The following COL24A1 variants were observed in gnomAD, a reference collection of about 807,000 sequenced individuals.
COL24A1 encodes collagen type XXIV alpha 1 chain.
In COL24A1, 224 loss-of-function variants were observed where a neutral mutation model predicts 253.9. The observed-to-expected ratio is 0.88, with a 90% confidence interval of 0.79 to 0.99. The LOEUF is 0.99. Among genes scored for constraint, COL24A1 ranks in the 50% least tolerant of loss-of-function variants. The pLI, the probability that COL24A1 is intolerant of heterozygous loss-of-function variation, is 0.00. For synonymous variants in COL24A1, 685 were observed against 673.7 expected (o/e 1.02, Z -0.26); for missense variants, 2,131 against 2,068.5 (o/e 1.03, Z -0.59).
chr1:85,841,273 G>A lies in COL24A1; in HGVS notation c.3576C>T (p.Tyr1192=). The change falls in exon 42 of 60, where the codon TAC becomes TAT. Residue 1192 remains tyrosine, a synonymous_variant. Transcript: ENST00000370571. The part of the protein sequence containing the change: ...GLPGPKGEKG[Y]PGEDSTVLGP... ...CTAGGACTGTGCTATCTTCTCCTGG[G>A]TAGCCCTAAAATGAAATAATGATTT... is the stretch of plus-strand genomic sequence containing the variant. 6 of 1,592,964 alleles carry A rather than the reference G, an allele frequency of 3.8e-6. No homozygotes were observed. In the South Asian group the frequency reaches 6.9e-5, roughly 18 times the overall value.
At chr1:85,804,477 G>A (rs1021123715) in intron 47 of COL24A1, among the ~76,000 whole-genome samples, 4 of 152,114 alleles carry the variant, frequency 2.6e-5, no homozygotes, top group Non-Finnish European at 4.4e-5. Flanking sequence ...CCATTTTCAC[G>A]CTGCTGATAA....
At chr1:85,765,952 T>G (rs1193406775) in intron 53 of COL24A1, among the ~76,000 whole-genome samples, 4 of 152,176 alleles carry the variant, frequency 2.6e-5, no homozygotes, top group African/African-American at 9.7e-5. Flanking sequence ...TTGTAAACTT[T>G]CAGGATTTAT....
intron 20 of COL24A1, among the ~76,000 whole-genome samples, chr1:85,987,330 CTA>C (rs1407868989): frequency 2.0e-5 from 3 of 151,732 alleles, no homozygotes; most frequent in Non-Finnish European, 4.4e-5. Flanking sequence ...CTTTTATACG[CTA>C]TGACTTTTTA....
chr1:86,056,016 G>A (rs932888419), intron 10 of COL24A1, among the ~76,000 whole-genome samples: 3 of 151,750 alleles, frequency 2.0e-5, no homozygotes, highest in African/African-American at 7.3e-5. Flanking sequence ...TACTCAGGAG[G>A]TTGAGGCAGG....
In COL24A1 at chr1:85,965,021, T is replaced by C; in HGVS notation, c.2505A>G (p.Pro835=). 1.2e-6 allele frequency: 2 copies of C among 1,611,162 alleles called. No homozygotes were observed. Among genetic ancestry groups the C allele is most frequent in the Non-Finnish European group, 1.7e-6 (2 of 1,178,282 alleles). The change falls in exon 23 of 60, where the codon CCA becomes CCG. Residue 835 remains proline (P), a synonymous_variant. Transcript: ENST00000370571. ...GQKGYAGEPG[P]EGLKGEVGDQ... ...TCAGTTGCTTTACCTTTAAGCCTTC[T>C]GGTCCTGGTTCACCTGCATACCCCT...
intron 24 of COL24A1, among the ~76,000 whole-genome samples, chr1:85,915,098 A>T (rs963606785): frequency 6.6e-6 from 1 of 152,160 alleles, no homozygotes; most frequent in African/African-American, 2.4e-5. Context: ...AGGTAAACTG[A>T]CTAAAGCAGA....
chr1:85,787,541 C>T (rs1223780259), intron 47 of COL24A1, among the ~76,000 whole-genome samples: 1 of 152,176 alleles, frequency 6.6e-6, no homozygotes, highest in Admixed American at 6.5e-5. Flanking sequence ...AGGACATGAT[C>T]TCATTCCTTT....
At chr1:86,142,139 C>T (rs752084381) in intron 2 of COL24A1, among the ~76,000 whole-genome samples, 1 of 151,838 alleles carries the variant, frequency 6.6e-6, no homozygotes, top group Non-Finnish European at 1.5e-5. Flanking sequence ...TCATTCTTAT[C>T]CTTACAGAGA....
At chr1:86,022,072 A>G (rs1335948812) in intron 18 of COL24A1, among the ~76,000 whole-genome samples, 168 bp downstream of exon 18, 5 of 152,234 alleles carry the variant, frequency 3.3e-5, no homozygotes, top group Admixed American at 1.3e-4. Context: ...AGGGAAGTCC[A>G]AAAGTCTATG....
chr1:85,873,297 A>T (rs1680748825), intron 35 of COL24A1, among the ~76,000 whole-genome samples: 1 of 151,982 alleles, frequency 6.6e-6, no homozygotes, highest in Non-Finnish European at 1.5e-5. Context: ...TCAAGGATCT[A>T]GAATTAGAAA....
At chr1:86,139,928 T>C (rs1572057086) in intron 2 of COL24A1, among the ~76,000 whole-genome samples, 1 of 152,194 alleles carries the variant, frequency 6.6e-6, no homozygotes, top group African/African-American at 2.4e-5. Context: ...AAATAGTCAA[T>C]ATCAGAATCA....
chr1:86,097,442 CTCCTCCCCCCTCCTCT>C (rs1703992976), intron 5 of COL24A1, among the ~76,000 whole-genome samples: 1 of 133,930 alleles, frequency 7.5e-6, no homozygotes, highest in African/African-American at 2.8e-5. Flanking sequence ...TCTTCTTCTC[CTCCTCCCCCCTCCTCT>C]TCCTCCCTCC....
chr1:85,973,548 T>C (rs1692379306), intron 20 of COL24A1, among the ~76,000 whole-genome samples: 1 of 152,104 alleles, frequency 6.6e-6, no homozygotes, highest in South Asian at 2.1e-4. Context: ...AATAAAAAAT[T>C]ATAAACAACT....
chr1:85,818,190 A>T, intron 45 of COL24A1, 103 bp from the exon 46 acceptor site: 3 of 832,682 alleles, frequency 3.6e-6, no homozygotes, highest in Non-Finnish European at 6.1e-6. Context: ...AAGAACTAGC[A>T]CGAACTAGTT....
At position 85,734,941 on chromosome 1, in the gene COL24A1, GA is replaced by G; in HGVS notation, c.4805del (p.Val1602AlafsTer3). ...VTKLEFGVGK[V>X]QMNFLHLLSS... ...TCAGTAAATGAAGGAAGTTCATCTG[GA>G]CTTTCCCAACTCCAAACTCCAACTA... On this transcript the variant is annotated frameshift_variant, in exon 59 of 60. Coordinates refer to ENST00000370571, the MANE Select transcript of COL24A1 (RefSeq NM_152890.7). LOFTEE classifies it high-confidence loss of function. 2 of 1,614,144 alleles carry G rather than the reference GA, an allele frequency of 1.2e-6. No individual in the cohort carries two copies. Among genetic ancestry groups the G allele is most frequent in the Non-Finnish European group, 1.7e-6 (2 of 1,180,002 alleles).
At chr1:86,061,457 G>A (rs1701085698) in intron 8 of COL24A1, among the ~76,000 whole-genome samples, 1 of 151,906 alleles carries the variant, frequency 6.6e-6, no homozygotes, top group Admixed American at 6.6e-5. Flanking sequence ...AACTAACCTC[G>A]ATAAAAAGTC....
rs1175174209 is a variant in COL24A1 at position 86,068,954 on chromosome 1, C to A, written c.1708-5195G>T. 5.3e-5 allele frequency among the ~76,000 whole-genome samples: 8 copies of A among 151,840 alleles called. No homozygotes were observed. In the East Asian group the frequency reaches 1.6e-3, roughly 30 times the overall value. ...CCTGTTGACCAAAGAGCCCTTGGGC[C>A]CTGAATAACCACCAATGATACCCAG... On this transcript the variant is annotated intron_variant, in intron 7 of 59. Transcript: ENST00000370571.
chr1:86,029,002 C>G (rs1181105439), intron 14 of COL24A1, among the ~76,000 whole-genome samples: 1 of 152,130 alleles, frequency 6.6e-6, no homozygotes, highest in African/African-American at 2.4e-5. Context: ...ACAGTAACAA[C>G]AGAAGCTTTT....
intron 32 of COL24A1, among the ~76,000 whole-genome samples, chr1:85,880,048 T>C (rs1169977179): frequency 1.3e-5 from 2 of 152,212 alleles, no homozygotes; most frequent in African/African-American, 4.8e-5. Flanking sequence ...TCTGTTAATA[T>C]CTACAATGTA....
Sources: gnomAD v4.1 joint callset for allele counts (sites outside exome capture counted in the v4.1 genomes callset) on GRCh38, gnomAD v4.1.1 for gene constraint, MANE v1.5 for transcripts, NCBI Gene and HGNC (gene_info 2026-07-23, HGNC 2026-07-21) for gene names.